Variants in FBXL16 observed in about 807,000 individuals in gnomAD.
FBXL16 encodes F-box and leucine rich repeat protein 16.
FBXL16 carries 7 observed loss-of-function variants against 36.7 expected under a neutral mutation model. The ratio of observed to expected loss-of-function variants is 0.19; its 90% confidence interval spans 0.11 to 0.36. The LOEUF is 0.36. Among genes scored for constraint, FBXL16 ranks in the 10% least tolerant of loss-of-function variants. FBXL16 has a pLI of 1.00. For missense variants in FBXL16, 463 were observed against 659.4 expected, an observed-to-expected ratio of 0.70 and a Z score of 3.26; for synonymous variants, 355 against 308.7, an observed-to-expected ratio of 1.15 and a Z score of -1.57.
intron 1 of FBXL16, among the ~76,000 whole-genome samples, chr16:699,430 G>A (rs1335547396): frequency 6.6e-6 from 1 of 152,168 alleles, no homozygotes; most frequent in Non-Finnish European, 1.5e-5. Context: ...AGGAGGTAGA[G>A]CCCCTGGGGT....
Position 705,544 on chromosome 16 carries a change from T to C in FBXL16, c.-47A>G, listed in dbSNP as rs1251762875. The C allele has an allele frequency of 1.3e-5, 2 of 149,754 alleles. No individual in the cohort carries two copies. Among genetic ancestry groups the C allele is most frequent in the African/African-American group, 2.4e-5 (1 of 40,842 alleles). The allele number at this position is 149,754 out of a possible 1,614,324, so 9.3% of individuals were successfully genotyped here. ...CGGGCTCCTGGCTCATGCCACGCTG[T>C]CCGCCGGGCGACCTCCCGTCATGGG... On this transcript the variant is annotated 5_prime_UTR_variant, in exon 1 of 6. Coordinates refer to ENST00000397621, the MANE Select transcript of FBXL16 (RefSeq NM_153350.4).
Position 699,452 on chromosome 16 carries a change from G to A in FBXL16, c.-14-2033C>T, listed in dbSNP as rs143375305. ...AGAGCCCCTGGGGTCACACGCCCTG[G>A]ACTTGAAATGGGCCCCACCCTGGCT... On this transcript the variant is annotated intron_variant, in intron 1 of 5. Coordinates refer to ENST00000397621, the MANE Select transcript of FBXL16 (RefSeq NM_153350.4). Among the ~76,000 whole-genome samples, 670 of 152,304 alleles carry A rather than the reference G, an allele frequency of 4.4e-3. 2 individuals carry two copies. The highest frequency in any genetic ancestry group is 6.8e-3 in the Middle Eastern group (2 of 294).
At chr16:695,229 G>T in intron 3 of FBXL16, 153 bp from the exon 4 acceptor site, 1 of 1,151,686 alleles carries the variant, frequency 8.7e-7, no homozygotes, top group Non-Finnish European at 1.2e-6. Context: ...GAAGGACGGG[G>T]GTCCAGCCAA....
At chr16:696,160 A>C in intron 2 of FBXL16, 3 of 490,638 alleles carry the variant, frequency 6.1e-6, no homozygotes, top group African/African-American at 2.0e-5. Flanking sequence ...TCTGACCTCT[A>C]CTCCTGGGGG....
chr16:694,385 C>T lies in FBXL16; in HGVS notation c.1330G>A (p.Val444Met), dbSNP rs2039994216. 1 of 1,543,948 alleles carries T rather than the reference C, an allele frequency of 6.5e-7. No homozygotes were observed. The highest frequency in any genetic ancestry group is 8.7e-7 in the Non-Finnish European group (1 of 1,154,448). The change falls in exon 6 of 6, where the codon GTG becomes ATG. Residue 444 changes from valine to methionine, a missense_variant. By Grantham distance (21) the Val-to-Met change is conservative (BLOSUM62 1). Transcript: ENST00000397621. ...AGCTCCTCCAGCTCCTGCAGCTGCA[C>T]CAGGCCCGACAGCCCGGTGGTGGTG... ...LLTTTGLSGL[V>M]QLQELEELEL...
At chr16:694,728 T>A in intron 4 of FBXL16, 31 bp from the exon 5 acceptor site, 1 of 1,584,576 alleles carries the variant, frequency 6.3e-7, no homozygotes, top group South Asian at 1.1e-5. Context: ...ACTTAACGAT[T>A]TCCGCTCGCA....
chr16:702,189 G>A (rs1027623237), intron 1 of FBXL16, among the ~76,000 whole-genome samples: 12 of 152,242 alleles, frequency 7.9e-5, no homozygotes, highest in Admixed American at 3.9e-4. Flanking sequence ...CCTCAGCTCC[G>A]GCCCCTTCCC....
In FBXL16 at chr16:694,606, A is replaced by T. The variant is rs201039799; in HGVS notation, c.1291+28T>A. On this transcript the variant is annotated intron_variant, in intron 5 of 5. Coordinates refer to ENST00000397621, the MANE Select transcript of FBXL16 (RefSeq NM_153350.4). ...TAAGTGGGGGTGGGTGGTCACTGCC[A>T]GCGTCAGAGCAGAAACGGGGGTCTC... 505 of 1,600,070 alleles carry T rather than the reference A, an allele frequency of 3.2e-4. No individual in the cohort carries two copies. In the East Asian group the frequency reaches 0.011, roughly 34 times the overall value.
chr16:705,700 C>G lies in FBXL16; in HGVS notation c.-203G>C, dbSNP rs1479851943. 1 of 148,696 alleles carries G rather than the reference C, an allele frequency of 6.7e-6. No individual in the cohort carries two copies. Among genetic ancestry groups the G allele is most frequent in the Non-Finnish European group, 1.5e-5 (1 of 66,724 alleles). 9.2% of individuals were successfully genotyped at this position (148,696 alleles called of 1,614,324 possible). A position where few individuals can be genotyped will look rare whatever the true frequency, so the allele number is the denominator to read the frequency against. On this transcript the variant is annotated 5_prime_UTR_variant, in exon 1 of 6. Coordinates refer to ENST00000397621, the MANE Select transcript of FBXL16 (RefSeq NM_153350.4). The stretch of plus-strand genomic sequence containing the variant: ...CGGCAGCGCACGGAAAGGAGCTCCC[C>G]GGTGGGAGAGGATCGGCCGCCCCAA...
chr16:694,333 G>A lies in FBXL16; in HGVS notation c.1382C>T (p.Thr461Ile). 1 of 1,513,092 alleles carries A rather than the reference G, an allele frequency of 6.6e-7. No homozygotes were observed. The highest frequency in any genetic ancestry group is 1.5e-5 in the African/African-American group (1 of 68,008). 93.7% of individuals were successfully genotyped at this position (1,513,092 alleles called of 1,614,324 possible). The stretch of plus-strand genomic sequence containing the variant: ...CGAGAAATACTTGAAGAGCTCGGGG[G>A]TGGCCCCGGGGCAGTTGGTCAGCTC... ...ELELTNCPGA[T>I]PELFKYFSQH... is the part of the protein sequence containing the mutation. The change falls in exon 6 of 6, where the codon ACC (threonine) becomes ATC (isoleucine). Residue 461 changes from threonine to isoleucine, a missense_variant. Thr to Ile is a moderately conservative substitution (Grantham distance 89). Coordinates refer to ENST00000397621, the MANE Select transcript of FBXL16 (RefSeq NM_153350.4).
At position 694,072 on chromosome 16, in the gene FBXL16, G is replaced by GCC. The variant is rs562180431; in HGVS notation, c.*201_*202dup. The GCC allele has an allele frequency of 1.9e-4, 50 of 260,650 alleles. 1 individual carries two copies. Among genetic ancestry groups the GCC allele is most frequent in the African/African-American group, 9.5e-4 (42 of 44,260 alleles). 16.1% of individuals were successfully genotyped at this position (260,650 alleles called of 1,614,324 possible). A position where few individuals can be genotyped will look rare whatever the true frequency, so the allele number is the denominator to read the frequency against. On this transcript the variant is annotated 3_prime_UTR_variant, in exon 6 of 6. Transcript: ENST00000397621. ...CGTGCGTGGGGCGGGCCCACCCGCC[G>GCC]CCCCCCTGCCCGGGGCGGGGCTGGG...
At chr16:701,511 G>A (rs1234215391) in intron 1 of FBXL16, among the ~76,000 whole-genome samples, 2 of 152,244 alleles carry the variant, frequency 1.3e-5, no homozygotes, top group Non-Finnish European at 2.9e-5. Flanking sequence ...GCGGGAGAAA[G>A]CTGAGCTCAA....
intron 1 of FBXL16, among the ~76,000 whole-genome samples, chr16:700,402 G>A (rs1244296231): frequency 1.3e-5 from 2 of 152,146 alleles, no homozygotes; most frequent in East Asian, 1.9e-4. Context: ...CAGAAGGCGC[G>A]GCCTCCGGAG....
Position 695,441 on chromosome 16 carries a change from G to A in FBXL16, c.1116C>T (p.His372=). ...MALEYVACDL[H]RLEELVLDRC... is the part of the protein sequence containing the mutation. ...TGTCGAGCACGAGCTCCTCTAGGCGGTGCAGGTCGCAGGCCACGTACTCCA... is the reference window on the plus strand; with the variant it reads ...TGTCGAGCACGAGCTCCTCTAGGCGATGCAGGTCGCAGGCCACGTACTCCA... The change falls in exon 3 of 6, where the codon CAC becomes CAT. Residue 372 remains histidine, a synonymous_variant. Transcript: ENST00000397621. The A allele has an allele frequency of 6.5e-7, 1 of 1,548,452 alleles. No individual in the cohort carries two copies. Among genetic ancestry groups the A allele is most frequent in the East Asian group, 2.4e-5 (1 of 41,760 alleles).
rs1015451247 is a variant in FBXL16 at position 700,918 on chromosome 16, G to A, written c.-14-3499C>T. ...CGGCAGCCCCCGCTCAGCAGGGAGG[G>A]GCCCCGGGGGCGAAGAGTGGGGGAG... On this transcript the variant is annotated intron_variant, in intron 1 of 5. Transcript: ENST00000397621. Among the ~76,000 whole-genome samples, 30 of 152,308 alleles carry A rather than the reference G, an allele frequency of 2.0e-4. 1 individual carries two copies. The highest frequency in any genetic ancestry group is 6.7e-4 in the African/African-American group (28 of 41,576).
chr16:704,410 G>A (rs74002848), intron 1 of FBXL16, among the ~76,000 whole-genome samples: 6,199 of 152,228 alleles, frequency 0.041, 436 homozygotes, highest in African/African-American at 0.14. Flanking sequence ...AGTGGGGCAA[G>A]TGAGTCCTAG....
intron 1 of FBXL16, among the ~76,000 whole-genome samples, chr16:700,755 C>T (rs1167941522): frequency 6.6e-6 from 1 of 152,056 alleles, no homozygotes; most frequent in East Asian, 1.9e-4. Context: ...TGGGCCTCCG[C>T]AGACCCCGCC....
chr16:696,686 C>CA, intron 2 of FBXL16, 87 bp downstream of exon 2: 1 of 1,341,548 alleles, frequency 7.5e-7, no homozygotes, highest in Non-Finnish European at 9.5e-7. Flanking sequence ...CCTCCCACCC[C>CA]AAAGCCACCA....
At chr16:703,027 G>A (rs962573281) in intron 1 of FBXL16, among the ~76,000 whole-genome samples, 3 of 152,330 alleles carry the variant, frequency 2.0e-5, no homozygotes, top group Admixed American at 6.5e-5. Flanking sequence ...GCTTGCAGAC[G>A]GATTTTCCAG....
Sources: gnomAD v4.1 joint callset for allele counts (sites outside exome capture counted in the v4.1 genomes callset) on GRCh38, gnomAD v4.1.1 for gene constraint, MANE v1.5 for transcripts, NCBI Gene and HGNC (gene_info 2026-07-23, HGNC 2026-07-21) for gene names.